MMP17: variants seen among roughly 807,000 people sequenced by gnomAD.
MMP17 encodes matrix metallopeptidase 17.
In MMP17, 54 loss-of-function variants were observed where a neutral mutation model predicts 49.1. The ratio of observed to expected loss-of-function variants is 1.10; its 90% confidence interval spans 0.88 to 1.38. The LOEUF is 1.38. MMP17 is among the 40% of genes most tolerant of loss of function. The probability of loss-of-function intolerance (pLI) is 0.00; values close to 1 mark genes in which losing one functional copy is unlikely to be tolerated. For missense variants in MMP17, 837 were observed against 853.7 expected (o/e 0.98, Z 0.24); for synonymous variants, 397 against 383.1 (o/e 1.04, Z -0.42).
chr12:131,846,149 T>G lies in MMP17; in HGVS notation c.1204+700T>G, dbSNP rs1887693655. 6.6e-6 allele frequency among the ~76,000 whole-genome samples: 1 copy of G among 151,638 alleles called. No individual in the cohort carries two copies. The highest frequency in any genetic ancestry group is 2.4e-5 in the African/African-American group (1 of 41,244). On this transcript the variant is annotated intron_variant, in intron 8 of 9. Transcript: ENST00000360564. This position sits in a 1 kb window ranked among gnomAD's most constrained non-coding sequence, Gnocchi z 4.6. ...CCATGCTGGGCTGAAACACCCGGAG[T>G]TTCCCTCACAGTCTGGAGGCCACGA...
At position 131,851,384 on chromosome 12, in the gene MMP17, G is replaced by T. The variant is rs1324000635; in HGVS notation, c.*110G>T. ...AGGTGCTGGCGCGGGATGAGGACGG[G>T]CCACCCTGGCACCGGAAGGCCAGCA... On this transcript the variant is annotated 3_prime_UTR_variant, in exon 10 of 10. Coordinates refer to ENST00000360564, the MANE Select transcript of MMP17 (RefSeq NM_016155.7). 2 of 1,034,022 alleles carry T rather than the reference G, an allele frequency of 1.9e-6. No individual in the cohort carries two copies. Among genetic ancestry groups the T allele is most frequent in the Non-Finnish European group, 1.3e-6 (1 of 788,970 alleles). The allele number at this position is 1,034,022 out of a possible 1,614,324, so 64.1% of individuals were successfully genotyped here.
intron 1 of MMP17, among the ~76,000 whole-genome samples, chr12:131,837,899 A>G (rs1887163585): frequency 6.6e-6 from 1 of 152,028 alleles, no homozygotes; most frequent in Admixed American, 6.6e-5. Flanking sequence ...TTTAGTAGAG[A>G]CGGGGTTTCA....
intron 3 of MMP17, 100 bp from the exon 4 acceptor site, chr12:131,840,473 T>C (rs1887328788): frequency 7.5e-7 from 1 of 1,327,188 alleles, no homozygotes; most frequent in Non-Finnish European, 1.0e-6. Context: ...GAGACCCTCA[T>C]AGGGGCACCC....
At chr12:131,843,756 T>C (rs1038266211) in intron 5 of MMP17, among the ~76,000 whole-genome samples, 1 of 152,202 alleles carries the variant, frequency 6.6e-6, no homozygotes, top group African/African-American at 2.4e-5. Flanking sequence ...CTTTAGGGTG[T>C]ACCCCGGGGT....
chr12:131,830,777 C>G (rs183900062), intron 1 of MMP17, among the ~76,000 whole-genome samples: 2 of 152,186 alleles, frequency 1.3e-5, no homozygotes, highest in Non-Finnish European at 2.9e-5. Flanking sequence ...GGAGCGCCCC[C>G]CGTATGCACG....
intron 5 of MMP17, among the ~76,000 whole-genome samples, chr12:131,842,472 C>A (rs934327236): frequency 1.3e-5 from 2 of 152,194 alleles, no homozygotes; most frequent in Non-Finnish European, 2.9e-5. Flanking sequence ...AAATTCACAT[C>A]CCATGCAATT....
At chr12:131,840,962 C>A (rs1048674516) in intron 4 of MMP17, 106 bp downstream of exon 4, 30 of 1,317,632 alleles carry the variant, frequency 2.3e-5, no homozygotes, top group Non-Finnish European at 3.0e-5. Context: ...TGAAAACACA[C>A]GCGGCTGCTC....
Position 131,844,030 on chromosome 12 carries a change from C to G in MMP17, c.917C>G (p.Pro306Arg). ...VRESVSPTAQ[P>R]EEPPLLPEPP... ...GAGTCTGTGTCTCCCACGGCGCAGC[C>G]CGAGGAGCCTCCCCTGCTGCCGGAG... The change falls in exon 6 of 10, where the codon CCC (proline) becomes CGC (arginine). Residue 306 changes from proline (P) to arginine (R), a missense_variant. Coordinates refer to ENST00000360564, the MANE Select transcript of MMP17 (RefSeq NM_016155.7). The G allele has an allele frequency of 6.4e-7, 1 of 1,569,894 alleles. No homozygotes were observed. The highest frequency in any genetic ancestry group is 8.6e-7 in the Non-Finnish European group (1 of 1,159,696).
chr12:131,829,085 G>A (rs1886661191), intron 1 of MMP17, among the ~76,000 whole-genome samples: 1 of 152,216 alleles, frequency 6.6e-6, no homozygotes, highest in Non-Finnish European at 1.5e-5. Context: ...ACAAAGCGAG[G>A]AAGGGCAGGG....
At chr12:131,844,463 A>T (rs143503906) in intron 6 of MMP17, 93 of 290,038 alleles carry the variant, frequency 3.2e-4, no homozygotes, top group African/African-American at 1.9e-3. Context: ...GCCGGGGCCC[A>T]CATCTGGTGC....
rs756640469 is a variant in MMP17, at chr12:131,851,076, G to A, written c.1614G>A (p.Ala538=). 1.2e-5 allele frequency: 19 copies of A among 1,606,034 alleles called. No individual in the cohort carries two copies. The highest frequency in any genetic ancestry group is 6.8e-5 in the East Asian group (3 of 44,370). Residue 538 remains alanine, a synonymous_variant, in exon 10 of 10, where the codon GCG becomes GCA. Transcript: ENST00000360564. ...GATCTGTGGCTGCGGGCGTGGACGC[G>A]GCAGAGGGGCCCCGCGCCCCTCCAG... The part of the protein sequence containing the change: ...ADGSVAAGVD[A]AEGPRAPPGQ...
In MMP17 at chr12:131,845,363, G is replaced by T; in HGVS notation, c.1118G>T (p.Arg373Leu). 1 of 1,599,610 alleles carries T rather than the reference G, an allele frequency of 6.3e-7. No individual in the cohort carries two copies. Among genetic ancestry groups the T allele is most frequent in the Non-Finnish European group, 8.5e-7 (1 of 1,174,524 alleles). Reference protein sequence around the residue: ...LVSLQPAQMHRFWRGLPLHLD... With the variant: ...LVSLQPAQMHLFWRGLPLHLD... ...TCCCTGCAGCCGGCACAGATGCACCGCTTCTGGCGGGGCCTGCCGCTGCAC... is the reference window on the plus strand; with the variant it reads ...TCCCTGCAGCCGGCACAGATGCACCTCTTCTGGCGGGGCCTGCCGCTGCAC... The change falls in exon 8 of 10, where the codon CGC becomes CTC. Residue 373 changes from arginine to leucine, a missense_variant. Arg to Leu is a moderately radical substitution (Grantham distance 102, BLOSUM62 -2). Transcript: ENST00000360564.
At chr12:131,841,039 C>T (rs907316878) in intron 4 of MMP17, among the ~76,000 whole-genome samples, 183 bp downstream of exon 4, 4 of 152,364 alleles carry the variant, frequency 2.6e-5, no homozygotes, top group East Asian at 1.9e-4. Flanking sequence ...CGGCTGACCT[C>T]GCTGGGTGCT....
chr12:131,850,992 C>A lies in MMP17; in HGVS notation c.1530C>A (p.Pro510=). 7 of 1,567,134 alleles carry A rather than the reference C, an allele frequency of 4.5e-6. No homozygotes were observed. The highest frequency in any genetic ancestry group is 6.0e-6 in the Non-Finnish European group (7 of 1,158,316). Reference sequence around the variant, plus strand: ...TGGATGGCGAGCTGGAGGTGGCACCCGGGTACCCACAGTCCACGGCCCGGG... The same window carrying A: ...TGGATGGCGAGCTGGAGGTGGCACCAGGGTACCCACAGTCCACGGCCCGGG... ...KVLDGELEVA[P]GYPQSTARDW... Residue 510 remains proline, a synonymous_variant, in exon 10 of 10, where the codon CCC becomes CCA. Transcript: ENST00000360564.
intron 9 of MMP17, 144 bp from the exon 10 acceptor site, chr12:131,850,781 T>G: frequency 2.7e-6 from 1 of 376,632 alleles, no homozygotes; most frequent in Non-Finnish European, 4.3e-6. Context: ...CACTGCAGTC[T>G]TGTGCAAGCC....
intron 1 of MMP17, among the ~76,000 whole-genome samples, chr12:131,836,726 C>T (rs1887103178): frequency 6.6e-6 from 1 of 152,096 alleles, no homozygotes; most frequent in African/African-American, 2.4e-5. Context: ...CAGCACATCA[C>T]CCCTGGCTTG....
chr12:131,840,944 C>A lies in MMP17; in HGVS notation c.706+88C>A, dbSNP rs73162904. 9,603 of 1,417,698 alleles carry A rather than the reference C, an allele frequency of 6.8e-3. 546 individuals carry two copies. In the African/African-American group the frequency reaches 0.12, roughly 18 times the overall value. 87.8% of individuals were successfully genotyped at this position (1,417,698 alleles called of 1,614,324 possible). Reference sequence around the variant, plus strand: ...CAGCCATGGCCCCCCCATCCCCAACCCTGCGGCTGAAAACACACGCGGCTG... The same window carrying A: ...CAGCCATGGCCCCCCCATCCCCAACACTGCGGCTGAAAACACACGCGGCTG... On this transcript the variant is annotated intron_variant, in intron 4 of 9. Coordinates refer to ENST00000360564, the MANE Select transcript of MMP17 (RefSeq NM_016155.7).
intron 8 of MMP17, among the ~76,000 whole-genome samples, chr12:131,848,098 T>A (rs1887797204): frequency 6.6e-6 from 1 of 152,190 alleles, no homozygotes; most frequent in Non-Finnish European, 1.5e-5. Flanking sequence ...TTTACTGTAT[T>A]TTTTTGAGAC....
At chr12:131,848,883 C>T (rs1445673421) in intron 8 of MMP17, among the ~76,000 whole-genome samples, 1 of 152,216 alleles carries the variant, frequency 6.6e-6, no homozygotes, top group African/African-American at 2.4e-5. Flanking sequence ...AGTGTGCAAA[C>T]GTCTCTCCAA....
Sources: allele counts gnomAD v4.1 joint callset (sites outside exome capture counted in the v4.1 genomes callset), GRCh38; gene constraint gnomAD v4.1.1; non-coding constraint Gnocchi (gnomAD v3.1); transcripts MANE v1.5; gene names NCBI Gene and HGNC (gene_info 2026-07-23, HGNC 2026-07-21).